The following NKD1 variants were observed in gnomAD, a reference collection of about 807,000 sequenced individuals.
NKD1 encodes NKD inhibitor of Wnt signaling pathway 1, also known as protein naked cuticle homolog 1.
Under a neutral mutation model 56.0 loss-of-function variants are expected in NKD1, and 21 were observed. That is an observed-to-expected ratio of 0.38 (90% CI 0.27 to 0.54). NKD1 has a LOEUF of 0.54. NKD1 is among the 20% of genes least tolerant of loss of function. NKD1 has a pLI of 0.82. For missense variants in NKD1, 578 were observed against 642.7 expected, an observed-to-expected ratio of 0.90 and a Z score of 1.09; for synonymous variants, 263 against 265.7, an observed-to-expected ratio of 0.99 and a Z score of 0.10.
intron 6 of NKD1, among the ~76,000 whole-genome samples, chr16:50,629,491 T>C (rs1230149996): frequency 6.6e-6 from 1 of 152,174 alleles, no homozygotes; most frequent in East Asian, 1.9e-4. Context: ...CACTCCATTT[T>C]CCCTGGGTCC....
intron 3 of NKD1, among the ~76,000 whole-genome samples, chr16:50,601,354 G>A (rs905190097): frequency 6.6e-6 from 1 of 152,196 alleles, no homozygotes; most frequent in African/African-American, 2.4e-5. Flanking sequence ...AGGCCGTTTA[G>A]TGGCTTCTGT....
chr16:50,549,644 T>C (rs778779146), intron 3 of NKD1, 89 bp downstream of exon 3: 3 of 1,248,368 alleles, frequency 2.4e-6, no homozygotes, highest in Admixed American at 3.0e-5. Context: ...CTTTGAGCAC[T>C]TTCCTGCACA....
In NKD1 at chr16:50,645,255, C is replaced by G. The variant is rs1962655839; in HGVS notation, c.*11474C>G. ...CACCCAGAAACGACATTTTTATCCA[C>G]TGCGATAACTTCTGGGGAGACATGG... On this transcript the variant is annotated 3_prime_UTR_variant, in exon 10 of 10. Coordinates refer to ENST00000268459, the MANE Select transcript of NKD1 (RefSeq NM_033119.5). 6.6e-6 allele frequency: 1 copy of G among 152,150 alleles called. No homozygotes were observed. Among genetic ancestry groups the G allele is most frequent in the Non-Finnish European group, 1.5e-5 (1 of 68,104 alleles). 9.4% of individuals were successfully genotyped at this position (152,150 alleles called of 1,614,324 possible). A position where few individuals can be genotyped will look rare whatever the true frequency, so the allele number is the denominator to read the frequency against.
At chr16:50,579,765 A>G (rs1042916283) in intron 3 of NKD1, among the ~76,000 whole-genome samples, 1 of 151,256 alleles carries the variant, frequency 6.6e-6, no homozygotes, top group South Asian at 2.1e-4. Flanking sequence ...CCTGCGGGCT[A>G]CCCGCTACAC....
chr16:50,556,015 A>G (rs1448774489), intron 3 of NKD1: 1 of 142,570 alleles, frequency 7.0e-6, no homozygotes, highest in Non-Finnish European at 1.5e-5. Context: ...AATATCTGCC[A>G]TTCCATCGGA....
chr16:50,596,724 G>T (rs1230726585), intron 3 of NKD1, among the ~76,000 whole-genome samples: 1 of 152,280 alleles, frequency 6.6e-6, no homozygotes, highest in African/African-American at 2.4e-5. Context: ...TAATGTGTCA[G>T]ATGGTGGGAA....
At chr16:50,562,416 T>A (rs1960654182) in intron 3 of NKD1, 1 of 297,762 alleles carries the variant, frequency 3.4e-6, no homozygotes, top group Non-Finnish European at 5.0e-6. Context: ...TTAGGTTGTT[T>A]GATTTTACAA....
At chr16:50,578,481 TG>T (rs1961036435) in intron 3 of NKD1, among the ~76,000 whole-genome samples, 1 of 152,178 alleles carries the variant, frequency 6.6e-6, no homozygotes, top group East Asian at 1.9e-4. Flanking sequence ...CCTTTTCTGC[TG>T]GCTTCTGCTT....
At chr16:50,630,145 G>C in intron 6 of NKD1, 41 bp from the exon 7 acceptor site, 1 of 1,602,286 alleles carries the variant, frequency 6.2e-7, no homozygotes. Context: ...AAGGCCCTGT[G>C]ACTGAAACCC....
intron 3 of NKD1, among the ~76,000 whole-genome samples, chr16:50,579,789 C>A (rs975650872): frequency 4.0e-5 from 6 of 151,774 alleles, no homozygotes; most frequent in Non-Finnish European, 5.9e-5. Flanking sequence ...CACTCTAACC[C>A]GCCACACATG....
Position 50,633,908 on chromosome 16 carries a change from A to C in NKD1, c.*127A>C. The C allele has an allele frequency of 1.8e-6, 1 of 544,386 alleles. No individual in the cohort carries two copies. Among genetic ancestry groups the C allele is most frequent in the South Asian group, 3.5e-5 (1 of 28,576 alleles). 33.7% of individuals were successfully genotyped at this position (544,386 alleles called of 1,614,324 possible). Reference sequence around the variant, plus strand: ...TATTAATAATTATTGTTACTCCACTAATATTTAGCTAGCCTACATGTAGAA... The same window carrying C: ...TATTAATAATTATTGTTACTCCACTCATATTTAGCTAGCCTACATGTAGAA... On this transcript the variant is annotated 3_prime_UTR_variant, in exon 10 of 10. Coordinates refer to ENST00000268459, the MANE Select transcript of NKD1 (RefSeq NM_033119.5). The surrounding 1 kb of genome is among the most constrained non-coding windows in gnomAD (Gnocchi z 4.9).
intron 3 of NKD1, among the ~76,000 whole-genome samples, chr16:50,595,158 G>A (rs961049074): frequency 3.3e-4 from 51 of 152,252 alleles, no homozygotes; most frequent in African/African-American, 1.1e-3. Flanking sequence ...CTCATCGCTC[G>A]CTGGTTCTTT....
At chr16:50,624,470 A>G (rs1024406663) in intron 5 of NKD1, among the ~76,000 whole-genome samples, 1 of 152,236 alleles carries the variant, frequency 6.6e-6, no homozygotes, top group Non-Finnish European at 1.5e-5. Context: ...AACAGCTACT[A>G]CCATTGATTG....
intron 3 of NKD1, among the ~76,000 whole-genome samples, chr16:50,586,864 G>A (rs974341049): frequency 6.6e-6 from 1 of 152,208 alleles, no homozygotes; most frequent in Non-Finnish European, 1.5e-5. Context: ...TGGGCCTTAT[G>A]TGTCATTAGT....
chr16:50,557,465 C>A (rs1232771794), intron 3 of NKD1: 1 of 152,180 alleles, frequency 6.6e-6, no homozygotes, highest in Non-Finnish European at 1.5e-5. Flanking sequence ...TGGTTAGAAT[C>A]TCATACTCTG....
At chr16:50,566,512 C>G (rs1960762419) in intron 3 of NKD1, among the ~76,000 whole-genome samples, 1 of 152,232 alleles carries the variant, frequency 6.6e-6, no homozygotes, top group African/African-American at 2.4e-5. Flanking sequence ...CATGCCTGTC[C>G]TGGAGTGGAG....
rs149277154 is a variant in NKD1 at position 50,630,050 on chromosome 16, C to T, written c.463-136C>T. 6,175 of 697,336 alleles carry T rather than the reference C, an allele frequency of 8.9e-3. 45 individuals carry two copies. The highest frequency in any genetic ancestry group is 0.012 in the Non-Finnish European group (5,002 of 418,056). The allele number at this position is 697,336 out of a possible 1,614,324, so 43.2% of individuals were successfully genotyped here. On this transcript the variant is annotated intron_variant, in intron 6 of 9. Coordinates refer to ENST00000268459, the MANE Select transcript of NKD1 (RefSeq NM_033119.5). ...CTCCTCCCAAACGAACCTCAGACAT[C>T]CAGGTTTCTGCCTTAGATCTGCTTT...
At chr16:50,570,242 C>T (rs1960852082) in intron 3 of NKD1, among the ~76,000 whole-genome samples, 1 of 151,986 alleles carries the variant, frequency 6.6e-6, no homozygotes, top group Non-Finnish European at 1.5e-5. Flanking sequence ...GGCTTGTATT[C>T]TGTTCCTGTC....
At chr16:50,631,652 C>T (rs1962348433) in intron 8 of NKD1, among the ~76,000 whole-genome samples, 1 of 152,270 alleles carries the variant, frequency 6.6e-6, no homozygotes, top group Non-Finnish European at 1.5e-5. Flanking sequence ...GGGAAGGAAG[C>T]CAGGAGGGAG....
Sources: gnomAD v4.1 joint callset for allele counts (sites outside exome capture counted in the v4.1 genomes callset) on GRCh38, gnomAD v4.1.1 for gene constraint, Gnocchi (gnomAD v3.1) non-coding constraint, MANE v1.5 for transcripts, NCBI Gene and HGNC (gene_info 2026-07-23, HGNC 2026-07-21) for gene names.